The following CTNNA2 variants were observed in gnomAD, a reference collection of about 807,000 sequenced individuals.
CTNNA2 encodes the protein catenin alpha 2.
CTNNA2 carries 42 observed loss-of-function variants against 101.0 expected under a neutral mutation model. The observed-to-expected ratio is 0.42, with a 90% confidence interval of 0.32 to 0.54. The LOEUF (loss-of-function observed/expected upper bound fraction) is 0.54. CTNNA2 is among the 20% of genes least tolerant of loss of function. The pLI is 0.14. For synonymous variants in CTNNA2, 450 were observed against 456.4 expected (o/e 0.99, Z 0.18); for missense variants, 871 against 1,223.1 (o/e 0.71, Z 4.29).
At position 80,154,175 on chromosome 2, in the gene CTNNA2, T is replaced by A. The variant is rs985425533; in HGVS notation, c.1057-239036T>A. Among the ~76,000 whole-genome samples, 10 of 152,164 alleles carry A rather than the reference T, an allele frequency of 6.6e-5. 1 individual carries two copies. Among genetic ancestry groups the A allele is most frequent in the Non-Finnish European group, 1.5e-5 (1 of 68,038 alleles). ...CTGCCACCCACATTTAGTTCTGCAGTTTATGTGGTTTGATTATTTTTCCCT... is the reference window on the plus strand; with the variant it reads ...CTGCCACCCACATTTAGTTCTGCAGATTATGTGGTTTGATTATTTTTCCCT... On this transcript the variant is annotated intron_variant, in intron 7 of 18. Coordinates refer to ENST00000402739, the MANE Select transcript of CTNNA2 (RefSeq NM_001282597.3).
chr2:80,525,999 C>A (rs1198482478), intron 9 of CTNNA2, among the ~76,000 whole-genome samples: 1 of 152,030 alleles, frequency 6.6e-6, no homozygotes, highest in Non-Finnish European at 1.5e-5. Context: ...TTGCACCAAC[C>A]TAATACTCTC....
chr2:80,627,653 AG>A (rs1156562567), intron 18 of CTNNA2, among the ~76,000 whole-genome samples: 2 of 152,080 alleles, frequency 1.3e-5, no homozygotes, highest in Non-Finnish European at 2.9e-5. Context: ...CCCATTTTGT[AG>A]GTTGCATGTT....
At chr2:80,424,136 A>G (rs568404369) in intron 9 of CTNNA2, among the ~76,000 whole-genome samples, 38 of 152,176 alleles carry the variant, frequency 2.5e-4, no homozygotes, top group African/African-American at 8.2e-4. Context: ...TTGTATTTTT[A>G]GTAGAGACGG....
At chr2:79,603,622 A>T (rs1677692381) in intron 1 of CTNNA2, among the ~76,000 whole-genome samples, 1 of 152,218 alleles carries the variant, frequency 6.6e-6, no homozygotes, top group Non-Finnish European at 1.5e-5. Flanking sequence ...CATAGGAAAT[A>T]AAAACCCCAA....
At chr2:80,595,665 T>A (rs564413203) in intron 15 of CTNNA2, among the ~76,000 whole-genome samples, 2 of 152,296 alleles carry the variant, frequency 1.3e-5, no homozygotes, top group South Asian at 2.1e-4. Flanking sequence ...CAGTTTTTTT[T>A]AAAGCTAAAA....
At chr2:79,876,934 A>G (rs1034448538) in intron 6 of CTNNA2, among the ~76,000 whole-genome samples, 1 of 152,124 alleles carries the variant, frequency 6.6e-6, no homozygotes, top group African/African-American at 2.4e-5. Flanking sequence ...TTTTTATAAA[A>G]CATGATATAT....
At position 80,250,196 on chromosome 2, in the gene CTNNA2, AGAGAGAGAGT is replaced by A. The variant is rs1162611012; in HGVS notation, c.1057-143013_1057-143004del. 9.7e-5 allele frequency among the ~76,000 whole-genome samples: 14 copies of A among 144,860 alleles called. No homozygotes were observed. In the South Asian group the frequency reaches 2.3e-3, roughly 24 times the overall value. ...CATGGATGGGGGGAGAGAGAGAGAG[AGAGAGAGAGT>A]GTGTGTGTGTGTGTGTGTGTGTGTG... is the stretch of plus-strand genomic sequence containing the variant. On this transcript the variant is annotated intron_variant, in intron 7 of 18. Coordinates refer to ENST00000402739, the MANE Select transcript of CTNNA2 (RefSeq NM_001282597.3).
intron 7 of CTNNA2, among the ~76,000 whole-genome samples, chr2:80,208,816 C>T (rs1202872692): frequency 6.6e-6 from 1 of 152,134 alleles, no homozygotes; most frequent in African/African-American, 2.4e-5. Context: ...ACAATTTCAC[C>T]AATGAAAAGC....
intron 7 of CTNNA2, among the ~76,000 whole-genome samples, chr2:80,256,872 C>T (rs1371477025): frequency 1.3e-5 from 2 of 152,154 alleles, no homozygotes; most frequent in Admixed American, 1.3e-4. Flanking sequence ...GAATGAATAA[C>T]ACCATTGGTT....
At chr2:79,554,494 T>C (rs1573330520) in intron 1 of CTNNA2, among the ~76,000 whole-genome samples, 1 of 152,174 alleles carries the variant, frequency 6.6e-6, no homozygotes, top group African/African-American at 2.4e-5. Flanking sequence ...TTAGGGGTAA[T>C]TCTGAAGCTT....
At chr2:79,687,322 G>A (rs1683997528) in intron 2 of CTNNA2, among the ~76,000 whole-genome samples, 1 of 152,042 alleles carries the variant, frequency 6.6e-6, no homozygotes, top group Non-Finnish European at 1.5e-5. Context: ...GTTCTAAGGA[G>A]CACAGTAGCC....
chr2:79,534,901 TG>T (rs1426134449), intron 1 of CTNNA2, among the ~76,000 whole-genome samples: 1 of 148,132 alleles, frequency 6.8e-6, no homozygotes, highest in African/African-American at 2.5e-5. Context: ...GTAAGAAGGG[TG>T]AAAAAAAAAA....
chr2:79,326,632 T>C (rs1207711970), intron 3 of CTNNA2, among the ~76,000 whole-genome samples: 1 of 152,154 alleles, frequency 6.6e-6, no homozygotes, highest in Non-Finnish European at 1.5e-5. Context: ...TTGACGCTGG[T>C]TAGGAGTTTT....
chr2:79,541,427 C>CACACATATAT (rs1485339148), intron 1 of CTNNA2, among the ~76,000 whole-genome samples: 1 of 142,794 alleles, frequency 7.0e-6, no homozygotes, highest in African/African-American at 2.6e-5. Flanking sequence ...CGCACACACA[C>CACACATATAT]ATATATATAT....
At chr2:80,280,355 C>T (rs897182320) in intron 7 of CTNNA2, among the ~76,000 whole-genome samples, 4 of 151,112 alleles carry the variant, frequency 2.6e-5, no homozygotes, top group African/African-American at 7.3e-5. Flanking sequence ...GACGTCAACC[C>T]ATAAGTTGGT....
intron 2 of CTNNA2, among the ~76,000 whole-genome samples, chr2:79,657,647 T>A (rs141167880): frequency 1.3e-5 from 2 of 151,912 alleles, no homozygotes; most frequent in East Asian, 3.9e-4. Flanking sequence ...ACAGTGATGA[T>A]TCTATGTCAT....
intron 7 of CTNNA2, among the ~76,000 whole-genome samples, chr2:80,241,702 A>C (rs1670957642): frequency 6.6e-6 from 1 of 151,990 alleles, no homozygotes; most frequent in Non-Finnish European, 1.5e-5. Context: ...CATTTAACTA[A>C]CTCTAGGTTA....
chr2:80,471,840 A>G (rs1685329509), intron 9 of CTNNA2, among the ~76,000 whole-genome samples: 1 of 152,100 alleles, frequency 6.6e-6, no homozygotes, highest in Non-Finnish European at 1.5e-5. Context: ...ATGCATAAAG[A>G]AGGTGGCCGG....
intron 7 of CTNNA2, among the ~76,000 whole-genome samples, chr2:80,297,665 A>C (rs1675865647): frequency 6.6e-6 from 1 of 152,126 alleles, no homozygotes; most frequent in Non-Finnish European, 1.5e-5. Flanking sequence ...GCATACTTTA[A>C]TGGAAAAATA....
Sources: allele counts gnomAD v4.1 joint callset (sites outside exome capture counted in the v4.1 genomes callset), GRCh38; gene constraint gnomAD v4.1.1; transcripts MANE v1.5; gene names NCBI Gene and HGNC (gene_info 2026-07-23, HGNC 2026-07-21).